Variants in TUSC3 observed in about 807,000 individuals in gnomAD.
The protein encoded by TUSC3 is dolichyl-diphosphooligosaccharide--protein glycosyltransferase subunit TUSC3.
TUSC3 carries 45 observed loss-of-function variants against 44.8 expected under a neutral mutation model. The ratio of observed to expected loss-of-function variants is 1.00; its 90% CI spans 0.79 to 1.29. The LOEUF is 1.29. Ranked by LOEUF, TUSC3 falls within the 50% of genes most tolerant of loss-of-function variation. The pLI is 0.00. For synonymous variants in TUSC3, 212 were observed against 152.9 expected, an observed-to-expected ratio of 1.39 and a Z score of -2.85; for missense variants, 519 against 437.9, an observed-to-expected ratio of 1.19 and a Z score of -1.65.
intron 2 of TUSC3, among the ~76,000 whole-genome samples, chr8:15,501,909 C>G (rs925207481): frequency 1.3e-5 from 2 of 152,222 alleles, no homozygotes; most frequent in African/African-American, 4.8e-5. Context: ...CTGTGTCCAC[C>G]TTAGTTCAGT....
At chr8:15,699,947 C>G (rs1809326177) in intron 6 of TUSC3, among the ~76,000 whole-genome samples, 1 of 152,096 alleles carries the variant, frequency 6.6e-6, no homozygotes. Context: ...ATAAACGGGA[C>G]TTGAGTCAGC....
intron 8 of TUSC3, 88 bp from the exon 9 acceptor site, chr8:15,748,287 C>A: frequency 1.0e-6 from 1 of 976,956 alleles, no homozygotes; most frequent in Admixed American, 1.7e-5. Flanking sequence ...TGTAAGTATA[C>A]TGTAATTGAA....
chr8:15,666,526 T>C (rs1459866911), intron 5 of TUSC3, among the ~76,000 whole-genome samples: 1 of 151,506 alleles, frequency 6.6e-6, no homozygotes, highest in East Asian at 1.9e-4. Context: ...AAAGGTACTT[T>C]GGCATGTACA....
At chr8:15,497,085 G>A (rs946419223) in intron 2 of TUSC3, among the ~76,000 whole-genome samples, 1 of 152,168 alleles carries the variant, frequency 6.6e-6, no homozygotes, top group Non-Finnish European at 1.5e-5. Context: ...GGAAAATACG[G>A]TAAGTGCTAT....
chr8:15,806,227 CA>C, the TUSC3 span: 128 of 541,828 alleles, frequency 2.4e-4, no homozygotes, highest in Non-Finnish European at 4.2e-4. Context: ...GCTTCAATAA[CA>C]TTTTGCTTGT....
intron 3 of TUSC3, among the ~76,000 whole-genome samples, chr8:15,651,796 A>G (rs921501697): frequency 5.9e-5 from 9 of 152,192 alleles, no homozygotes; most frequent in African/African-American, 2.2e-4. Context: ...AGTATTCTCT[A>G]TAGAGCAAGG....
chr8:15,824,525 G>T, the TUSC3 span, among the ~76,000 whole-genome samples: 1 of 150,596 alleles, frequency 6.6e-6, no homozygotes, highest in Non-Finnish European at 1.5e-5. Flanking sequence ...ACCAAACACT[G>T]CATGTTCTCA....
At chr8:15,663,907 T>C (rs1465952305) in intron 5 of TUSC3, among the ~76,000 whole-genome samples, 1 of 151,886 alleles carries the variant, frequency 6.6e-6, no homozygotes, top group Non-Finnish European at 1.5e-5. Context: ...CTTTGGTATT[T>C]AAGAGTTAAT....
chr8:15,821,398 G>C, the TUSC3 span, among the ~76,000 whole-genome samples: 3 of 134,788 alleles, frequency 2.2e-5, no homozygotes, highest in African/African-American at 8.2e-5. Flanking sequence ...AGTCCTGTTT[G>C]TGGTTTGCTG....
chr8:15,650,188 A>C (rs1201612369), intron 2 of TUSC3, among the ~76,000 whole-genome samples: 1 of 152,226 alleles, frequency 6.6e-6, no homozygotes, highest in South Asian at 2.1e-4. Flanking sequence ...TGGAATGAAT[A>C]AGGTGGAGTA....
chr8:15,590,238 C>T lies in TUSC3; in HGVS notation c.139-32842C>T, dbSNP rs929623549. Among the ~76,000 whole-genome samples the T allele has an allele frequency of 1.3e-5, 2 of 152,114 alleles. 1 individual carries two copies. The highest frequency in any genetic ancestry group is 4.1e-4 in the South Asian group (2 of 4,820). On this transcript the variant is annotated intron_variant, in intron 1 of 10. Coordinates refer to ENST00000503731, the MANE Select transcript of TUSC3 (RefSeq NM_006765.4). ...TTTTCACTCTGCTCTGGTTTCAGGC[C>T]TTTATGTCTTTAAGTCTTTAATTTT...
rs553991790 is a variant in TUSC3, at chr8:15,470,221, T to C, written n.92-13165T>C. On this transcript the variant is annotated intron_variant and non_coding_transcript_variant, in intron 1 of 5. Coordinates refer to the TUSC3 transcript ENST00000503191. The stretch of plus-strand genomic sequence containing the variant: ...GCCCAGGAGGCAGAGGTTGCACCAC[T>C]ACACTCCAGCCTGGGCAACAGAGAA... Among the ~76,000 whole-genome samples the C allele has an allele frequency of 4.1e-4, 58 of 142,308 alleles. 1 individual carries two copies. The South Asian group carries it at 0.012, about 30-fold the overall frequency. 93.4% of individuals were successfully genotyped at this position (142,308 alleles called of 152,430 possible).
chr8:15,848,991 G>A, the TUSC3 span, among the ~76,000 whole-genome samples: 4 of 152,070 alleles, frequency 2.6e-5, no homozygotes, highest in African/African-American at 4.8e-5. Context: ...ATTCTGACAC[G>A]TATTTCTATA....
intron 2 of TUSC3, among the ~76,000 whole-genome samples, chr8:15,498,417 A>C (rs1201776065): frequency 6.6e-6 from 1 of 152,210 alleles, no homozygotes; most frequent in East Asian, 1.9e-4. Context: ...TATTAATAAA[A>C]TAGTACTGTA....
the TUSC3 span, among the ~76,000 whole-genome samples, chr8:15,825,343 G>T: frequency 4.3e-4 from 66 of 152,262 alleles, no homozygotes; most frequent in Non-Finnish European, 7.5e-4. Flanking sequence ...GGCAAAGGAG[G>T]AGTAAGGCAC....
intron 1 of TUSC3, among the ~76,000 whole-genome samples, chr8:15,429,539 G>C (rs1038211229): frequency 6.7e-6 from 1 of 149,006 alleles, no homozygotes; most frequent in East Asian, 2.0e-4. Context: ...GGATGGCATT[G>C]AATCTATAAA....
intron 4 of TUSC3, 88 bp from the exon 5 acceptor site, chr8:15,662,068 T>A: frequency 6.9e-7 from 1 of 1,458,682 alleles, no homozygotes; most frequent in Non-Finnish European, 9.5e-7. Context: ...CTGAGTTCTT[T>A]GCGTTGAAAA....
At position 15,698,670 on chromosome 8, in the gene TUSC3, T is replaced by G. The variant is rs980963013; in HGVS notation, c.798+24834T>G. 3.5e-4 allele frequency among the ~76,000 whole-genome samples: 54 copies of G among 152,310 alleles called. 1 individual carries two copies. The highest frequency in any genetic ancestry group is 1.9e-3 in the South Asian group (9 of 4,828). Reference sequence around the variant, plus strand: ...TGACAATATTAGATATTTAGGATATTTTTTCTGTGCCATTCTCTCATTACT... The same window carrying G: ...TGACAATATTAGATATTTAGGATATGTTTTCTGTGCCATTCTCTCATTACT... On this transcript the variant is annotated intron_variant, in intron 6 of 10. Coordinates refer to ENST00000503731, the MANE Select transcript of TUSC3 (RefSeq NM_006765.4).
At chr8:15,600,606 T>C (rs1188585831) in intron 1 of TUSC3, among the ~76,000 whole-genome samples, 1 of 151,560 alleles carries the variant, frequency 6.6e-6, no homozygotes, top group Non-Finnish European at 1.5e-5. Flanking sequence ...GGATGGGAGA[T>C]AGGGGAGAGG....
Sources: gnomAD v4.1 joint callset for allele counts (sites outside exome capture counted in the v4.1 genomes callset) on GRCh38, gnomAD v4.1.1 for gene constraint, MANE v1.5 for transcripts, NCBI Gene and HGNC (gene_info 2026-07-23, HGNC 2026-07-21) for gene names.